CSNK1A1: variants seen among roughly 807,000 people sequenced by gnomAD.
CSNK1A1 encodes the protein casein kinase I isoform alpha.
CSNK1A1 carries 7 observed loss-of-function variants against 46.1 expected under a neutral mutation model. That is an observed-to-expected ratio of 0.15 (90% CI 0.09 to 0.29). CSNK1A1 has a LOEUF of 0.29. Ranked by LOEUF, CSNK1A1 falls within the 10% of genes least tolerant of loss-of-function variation. The pLI, the probability that CSNK1A1 is intolerant of heterozygous loss-of-function variation, is 1.00. For synonymous variants in CSNK1A1, 137 were observed against 141.5 expected, an observed-to-expected ratio of 0.97 and a Z score of 0.23; for missense variants, 96 against 417.1, an observed-to-expected ratio of 0.23 and a Z score of 6.71.
intron 2 of CSNK1A1, among the ~76,000 whole-genome samples, chr5:149,547,870 G>A (rs1358652127): frequency 6.8e-6 from 1 of 147,870 alleles, no homozygotes; most frequent in Non-Finnish European, 1.5e-5. Flanking sequence ...TTTTTTTGTT[G>A]TGTTTTTTTG....
intron 4 of CSNK1A1, among the ~76,000 whole-genome samples, chr5:149,514,267 T>C: frequency 6.6e-6 from 1 of 152,212 alleles, no homozygotes; most frequent in East Asian, 1.9e-4. Flanking sequence ...GGTATTCATT[T>C]ATAATGTAGC....
At chr5:149,539,187 T>C (rs1471804595) in intron 2 of CSNK1A1, among the ~76,000 whole-genome samples, 2 of 152,174 alleles carry the variant, frequency 1.3e-5, no homozygotes, top group Non-Finnish European at 1.5e-5. Context: ...TTTCTGGTAC[T>C]TTCCAGTATC....
intron 2 of CSNK1A1, 150 bp downstream of exon 2, chr5:149,549,925 A>G (rs535055039): frequency 2.5e-6 from 2 of 789,928 alleles, no homozygotes; most frequent in African/African-American, 3.5e-5. Context: ...AGTAATTGAG[A>G]TGACTGACTT....
intron 2 of CSNK1A1, among the ~76,000 whole-genome samples, chr5:149,539,438 G>A (rs937012648): frequency 2.0e-5 from 3 of 150,482 alleles, no homozygotes; most frequent in African/African-American, 7.4e-5. Flanking sequence ...TATACTCCAG[G>A]CCTAGGCGGC....
chr5:149,518,785 C>G (rs1402998868), intron 4 of CSNK1A1, among the ~76,000 whole-genome samples: 1 of 149,930 alleles, frequency 6.7e-6, no homozygotes, highest in East Asian at 2.0e-4. Context: ...ACAAGCTATT[C>G]TTAAGGGGGT....
chr5:149,544,270 AACTG>A (rs1762393056), intron 2 of CSNK1A1, among the ~76,000 whole-genome samples: 1 of 152,172 alleles, frequency 6.6e-6, no homozygotes, highest in African/African-American at 2.4e-5. Context: ...CACATTAAGG[AACTG>A]ACTGACTGTA....
chr5:149,514,112 T>G (rs1761324025), intron 4 of CSNK1A1, among the ~76,000 whole-genome samples: 1 of 152,122 alleles, frequency 6.6e-6, no homozygotes, highest in Admixed American at 6.5e-5. Context: ...CAAGTTGATA[T>G]AAAAATCCCC....
At position 149,509,487 on chromosome 5, in the gene CSNK1A1, G is replaced by A. The variant is rs568089503; in HGVS notation, c.750+392C>T. 2.0e-5 allele frequency among the ~76,000 whole-genome samples: 3 copies of A among 149,426 alleles called. No individual in the cohort carries two copies. In the East Asian group the frequency reaches 6.1e-4, roughly 30 times the overall value. ...GCCAAGATTCACCACTGCAATTGGA[G>A]CCTCCCGGGCTCAAGTGATCCTCCT... On this transcript the variant is annotated intron_variant, in intron 7 of 9. Transcript: ENST00000377843.
At chr5:149,545,960 C>T in intron 2 of CSNK1A1, 1 of 204,378 alleles carries the variant, frequency 4.9e-6, no homozygotes, top group Non-Finnish European at 9.9e-6. Flanking sequence ...ACGATCTTGG[C>T]TCACTGCAAC....
chr5:149,517,723 C>A lies in CSNK1A1; in HGVS notation c.456+2567G>T. 9.9e-7 allele frequency: 1 copy of A among 1,007,098 alleles called. No individual in the cohort carries two copies. Among genetic ancestry groups the A allele is most frequent in the Non-Finnish European group, 1.5e-6 (1 of 666,630 alleles). The allele number at this position is 1,007,098 out of a possible 1,614,324, so 62.4% of individuals were successfully genotyped here. ...AGAATTAAAACAAAACAAAAATCATCAAAATAAAACAATAAAAAAGAAAAG... is the reference window on the plus strand; with the variant it reads ...AGAATTAAAACAAAACAAAAATCATAAAAATAAAACAATAAAAAAGAAAAG... On this transcript the variant is annotated intron_variant, in intron 4 of 9. Transcript: ENST00000377843. The surrounding 1 kb of genome is among the most constrained non-coding windows in gnomAD (Gnocchi z 4.4).
At chr5:149,520,003 C>T (rs755420037) in intron 4 of CSNK1A1, among the ~76,000 whole-genome samples, 4 of 152,170 alleles carry the variant, frequency 2.6e-5, no homozygotes, top group African/African-American at 4.8e-5. Context: ...ATAGATACAA[C>T]TGTTCAACAG....
At chr5:149,499,252 C>T (rs1760747430) in intron 9 of CSNK1A1, 8 of 972,122 alleles carry the variant, frequency 8.2e-6, no homozygotes, top group African/African-American at 1.9e-5. Context: ...AACCCATCTT[C>T]ACTGTAACAT....
At position 149,494,649 on chromosome 5, in the gene CSNK1A1, CTTCTT is replaced by C. The variant is rs1760606263; in HGVS notation, c.*2199_*2203del. Reference sequence around the variant, plus strand: ...AACAGCATTCACTGAATTTCACACTCTTCTTTTGTGAACAGTGAAGAAAATGAATG... The same window carrying C: ...AACAGCATTCACTGAATTTCACACTCTTGTGAACAGTGAAGAAAATGAATG... On this transcript the variant is annotated 3_prime_UTR_variant, in exon 10 of 10. Transcript: ENST00000377843. 1 of 152,192 alleles carries C rather than the reference CTTCTT, an allele frequency of 6.6e-6. No homozygotes were observed. Among genetic ancestry groups the C allele is most frequent in the African/African-American group, 2.4e-5 (1 of 41,464 alleles). The allele number at this position is 152,192 out of a possible 1,614,324, so 9.4% of individuals were successfully genotyped here.
At chr5:149,520,882 T>C (rs943527818) in intron 3 of CSNK1A1, among the ~76,000 whole-genome samples, 1 of 152,338 alleles carries the variant, frequency 6.6e-6, no homozygotes, top group East Asian at 1.9e-4. Context: ...GATTAAGCTA[T>C]AAGTAGTTGT....
At chr5:149,502,677 A>C in intron 9 of CSNK1A1, 1 of 984,884 alleles carries the variant, frequency 1.0e-6, no homozygotes. Context: ...GCCTGTCCTA[A>C]AGTTTTTAAC....
rs1482110513 is a variant in CSNK1A1, at chr5:149,494,216, G to C, written c.*2637C>G. 6.6e-6 allele frequency: 1 copy of C among 152,100 alleles called. No homozygotes were observed. The highest frequency in any genetic ancestry group is 1.9e-4 in the East Asian group (1 of 5,204). The allele number at this position is 152,100 out of a possible 1,614,324, so 9.4% of individuals were successfully genotyped here. On this transcript the variant is annotated 3_prime_UTR_variant, in exon 10 of 10. Coordinates refer to ENST00000377843, the MANE Select transcript of CSNK1A1 (RefSeq NM_001892.6). ...GTACTGCAAGGACTAACAGAAACAG[G>C]AAAAATCCTACTAAAAATATTTGTT... is the stretch of plus-strand genomic sequence containing the variant.
intron 2 of CSNK1A1, among the ~76,000 whole-genome samples, chr5:149,534,675 A>C (rs1429246330): frequency 6.6e-6 from 1 of 152,002 alleles, no homozygotes; most frequent in Non-Finnish European, 1.5e-5. Flanking sequence ...TCACACCTGT[A>C]ATCCCAACAC....
chr5:149,509,866 C>A lies in CSNK1A1; in HGVS notation c.750+13G>T. On this transcript the variant is annotated intron_variant, in intron 7 of 9. Transcript: ENST00000377843. ...TCATTTATATTTTTTTAATATTCAT[C>A]ATGCATACTTACCTTACATAAAACT... 6.3e-7 allele frequency: 1 copy of A among 1,586,182 alleles called. No individual in the cohort carries two copies. Among genetic ancestry groups the A allele is most frequent in the Non-Finnish European group, 8.6e-7 (1 of 1,158,876 alleles).
chr5:149,499,967 CTTT>C (rs1162496799), intron 9 of CSNK1A1, among the ~76,000 whole-genome samples: 6 of 77,706 alleles, frequency 7.7e-5, no homozygotes, highest in African/African-American at 2.1e-4. Context: ...TTCTTTTTTT[CTTT>C]TTTTTTTTTT....
Sources: gnomAD v4.1 joint callset for allele counts (sites outside exome capture counted in the v4.1 genomes callset) on GRCh38, gnomAD v4.1.1 for gene constraint, Gnocchi (gnomAD v3.1) non-coding constraint, MANE v1.5 for transcripts, NCBI Gene and HGNC (gene_info 2026-07-23, HGNC 2026-07-21) for gene names.